The following SNTG1 variants were observed in gnomAD, a reference collection of about 807,000 sequenced individuals.
The protein encoded by SNTG1 is syntrophin gamma 1, also known as gamma-1-syntrophin.
A neutral mutation model predicts 74.7 loss-of-function variants in SNTG1; 39 were observed. The observed-to-expected ratio is 0.52, with a 90% CI of 0.40 to 0.68. SNTG1 has a LOEUF of 0.68. Among genes scored for constraint, SNTG1 ranks in the 30% least tolerant of loss-of-function variants. SNTG1 has a pLI of 0.00. For synonymous variants in SNTG1, 254 were observed against 217.1 expected (o/e 1.17, Z -1.49); for missense variants, 685 against 609.5 (o/e 1.12, Z -1.30).
rs184770564 is a variant in SNTG1 at position 50,736,346 on chromosome 8, C to T, written c.1285-15655C>T. ...AAACACAAAGAAGGGCATTACATAA[C>T]GGTAAAGGGATCAATGCAACAAGAA... On this transcript the variant is annotated intron_variant, in intron 17 of 18. Transcript: ENST00000642720. Among the ~76,000 whole-genome samples, 698 of 151,652 alleles carry T rather than the reference C, an allele frequency of 4.6e-3. 9 individuals carry two copies. The highest frequency in any genetic ancestry group is 0.015 in the African/African-American group (629 of 41,468).
chr8:50,681,201 C>T (rs1055823146), intron 15 of SNTG1, among the ~76,000 whole-genome samples: 16 of 152,078 alleles, frequency 1.1e-4, no homozygotes, highest in African/African-American at 3.9e-4. Context: ...TTTGTATTTA[C>T]ATAAGATTGG....
intron 3 of SNTG1, among the ~76,000 whole-genome samples, chr8:50,400,763 T>A (rs2092793105): frequency 2.0e-5 from 3 of 151,898 alleles, no homozygotes; most frequent in African/African-American, 7.3e-5. Context: ...GATGTTGGAG[T>A]TGAGAGTAGA....
chr8:50,768,226 A>G (rs1004323662), intron 18 of SNTG1, among the ~76,000 whole-genome samples: 1 of 151,996 alleles, frequency 6.6e-6, no homozygotes, highest in African/African-American at 2.4e-5. Context: ...TCAGAAATTG[A>G]GGATTGACTC....
In SNTG1 at chr8:50,362,759, C is replaced by A. The variant is rs576796972; in HGVS notation, c.-27-31453C>A. Among the ~76,000 whole-genome samples the A allele has an allele frequency of 6.6e-5, 10 of 152,098 alleles. No individual in the cohort carries two copies. In the East Asian group the frequency reaches 1.9e-3, roughly 29 times the overall value. On this transcript the variant is annotated intron_variant, in intron 2 of 18. Coordinates refer to ENST00000642720, the MANE Select transcript of SNTG1 (RefSeq NM_018967.5). ...GTGATAATTTATATCAGGTGCTATG[C>A]TTTGTTATATATGGTGAGTTTTATG...
chr8:50,147,313 C>G (rs2081907216), intron 1 of SNTG1, among the ~76,000 whole-genome samples: 1 of 152,060 alleles, frequency 6.6e-6, no homozygotes, highest in African/African-American at 2.4e-5. Flanking sequence ...ACAAACTTCA[C>G]TGAAGGTGGT....
intron 15 of SNTG1, among the ~76,000 whole-genome samples, chr8:50,691,693 A>G (rs1195841763): frequency 6.6e-6 from 1 of 151,846 alleles, no homozygotes; most frequent in Non-Finnish European, 1.5e-5. Context: ...TTTTTCCTTC[A>G]TTTCAACTTT....
chr8:50,422,316 G>A (rs371775796), intron 4 of SNTG1, among the ~76,000 whole-genome samples: 271 of 92,312 alleles, frequency 2.9e-3, no homozygotes, highest in Middle Eastern at 0.024. Context: ...AAAATTGATT[G>A]ACCAAGTAGA....
chr8:50,169,546 G>A (rs566167124), intron 1 of SNTG1, among the ~76,000 whole-genome samples: 47 of 152,302 alleles, frequency 3.1e-4, no homozygotes, highest in Non-Finnish European at 5.7e-4. Flanking sequence ...GGACATGGTG[G>A]CAAGAGCCCT....
chr8:50,703,984 T>C (rs898629101), intron 15 of SNTG1, among the ~76,000 whole-genome samples: 2 of 152,204 alleles, frequency 1.3e-5, no homozygotes, highest in Non-Finnish European at 2.9e-5. Context: ...TAATGTCTCT[T>C]AAATTGGAAT....
chr8:50,701,658 CTCTTCTTCTTCTTCCTTCT>C (rs1168862467), intron 15 of SNTG1, among the ~76,000 whole-genome samples: 1 of 128,560 alleles, frequency 7.8e-6, no homozygotes, highest in African/African-American at 3.4e-5. Flanking sequence ...CTTTTTCTTC[CTCTTCTTCTTCTTCCTTCT>C]TCTTCTTCTT....
Position 50,656,946 on chromosome 8 carries a change from A to G in SNTG1, c.887A>G (p.Asp296Gly). 6.2e-7 allele frequency: 1 copy of G among 1,602,408 alleles called. No individual in the cohort carries two copies. Among genetic ancestry groups the G allele is most frequent in the South Asian group, 1.1e-5 (1 of 89,556 alleles). ...GGCTGGTGTGAAGCCCGGGAGCAAG[A>G]CCCCCTCCAGGACAGAGTGTACTCC... ...YMGWCEAREQ[D>G]PLQDRVYSPT... Residue 296 changes from aspartate (D) to glycine (G), a missense_variant, in exon 14 of 19, where the codon GAC becomes GGC. Asp to Gly is a moderately conservative substitution (Grantham distance 94). Coordinates refer to ENST00000642720, the MANE Select transcript of SNTG1 (RefSeq NM_018967.5).
At chr8:50,017,118 C>T (rs1321232076) in intron 1 of SNTG1, among the ~76,000 whole-genome samples, 1 of 152,042 alleles carries the variant, frequency 6.6e-6, no homozygotes, top group Non-Finnish European at 1.5e-5. Context: ...TATGGTTTCT[C>T]AAATACAAAC....
intron 2 of SNTG1, among the ~76,000 whole-genome samples, chr8:50,236,697 G>A (rs568483662): frequency 2.0e-5 from 3 of 151,984 alleles, no homozygotes; most frequent in Admixed American, 6.6e-5. Context: ...TGATCCGCCC[G>A]CCTTGGCCTC....
chr8:49,951,133 T>A (rs142162824), intron 1 of SNTG1, among the ~76,000 whole-genome samples: 1 of 152,330 alleles, frequency 6.6e-6, no homozygotes, highest in Non-Finnish European at 1.5e-5. Context: ...ATCTTTACTC[T>A]GACTTTATGC....
At chr8:50,443,438 T>G (rs910893367) in intron 5 of SNTG1, among the ~76,000 whole-genome samples, 1 of 152,172 alleles carries the variant, frequency 6.6e-6, no homozygotes, top group African/African-American at 2.4e-5. Flanking sequence ...TTTGGAAGAT[T>G]TAACACTACA....
At chr8:49,960,828 C>T (rs1323688850) in intron 1 of SNTG1, among the ~76,000 whole-genome samples, 1 of 152,110 alleles carries the variant, frequency 6.6e-6, no homozygotes, top group African/African-American at 2.4e-5. Flanking sequence ...TCCTGCCCTC[C>T]TCCTCCTCTC....
At chr8:50,766,361 G>T (rs138967348) in intron 18 of SNTG1, among the ~76,000 whole-genome samples, 1 of 152,044 alleles carries the variant, frequency 6.6e-6, no homozygotes, top group African/African-American at 2.4e-5. Context: ...ATTGTATGTG[G>T]CTTGTGATGC....
intron 1 of SNTG1, among the ~76,000 whole-genome samples, chr8:50,138,058 G>C (rs1006817917): frequency 6.6e-6 from 1 of 152,070 alleles, no homozygotes; most frequent in African/African-American, 2.4e-5. Context: ...GTTGTCTAAA[G>C]CTAAGAAACC....
chr8:50,278,183 GA>G (rs1032522490), intron 2 of SNTG1, among the ~76,000 whole-genome samples: 2 of 150,196 alleles, frequency 1.3e-5, no homozygotes, highest in African/African-American at 2.4e-5. Flanking sequence ...AAAAGAAAAA[GA>G]AAAAAAAGGA....
Sources: gnomAD v4.1 joint callset for allele counts (sites outside exome capture counted in the v4.1 genomes callset) on GRCh38, gnomAD v4.1.1 for gene constraint, MANE v1.5 for transcripts, NCBI Gene and HGNC (gene_info 2026-07-23, HGNC 2026-07-21) for gene names.